The following HS3ST2 variants were observed in gnomAD, a reference collection of about 807,000 sequenced individuals.
The protein encoded by HS3ST2 is heparan sulfate glucosamine 3-O-sulfotransferase 2.
A neutral mutation model predicts 26.3 loss-of-function variants in HS3ST2; 17 were observed. The ratio of observed to expected loss-of-function variants is 0.65; its 90% confidence interval spans 0.44 to 0.97. HS3ST2 has a LOEUF of 0.97. Among genes scored for constraint, HS3ST2 ranks in the 50% least tolerant of loss-of-function variants. HS3ST2 has a pLI of 0.00. For missense variants in HS3ST2, 402 were observed against 501.2 expected (o/e 0.80, Z 1.89); for synonymous variants, 237 against 219.2 (o/e 1.08, Z -0.72).
chr16:22,814,801 A>T lies in HS3ST2; in HGVS notation c.191A>T (p.Gln64Leu), dbSNP rs1405099340. ...CTCCGCGGCCCCAGCGCGGGCGGCCAGAAACTTCTCCAGAAGTCCCGCCCC... is the reference window on the plus strand; with the variant it reads ...CTCCGCGGCCCCAGCGCGGGCGGCCTGAAACTTCTCCAGAAGTCCCGCCCC... ...RCLRGPSAGG[Q>L]KLLQKSRPCD... Residue 64 changes from glutamine to leucine, a missense_variant, in exon 1 of 2, where the codon CAG becomes CTG. Coordinates refer to ENST00000261374, the MANE Select transcript of HS3ST2 (RefSeq NM_006043.2). 7 of 1,589,180 alleles carry T rather than the reference A, an allele frequency of 4.4e-6. No individual in the cohort carries two copies. Among genetic ancestry groups the T allele is most frequent in the Non-Finnish European group, 6.0e-6 (7 of 1,169,346 alleles).
chr16:22,894,837 G>A (rs766292911), intron 1 of HS3ST2, among the ~76,000 whole-genome samples: 3 of 151,772 alleles, frequency 2.0e-5, no homozygotes, highest in Non-Finnish European at 4.4e-5. Context: ...AAAATGAATA[G>A]TTAAATCAGT....
chr16:22,843,559 G>A (rs934486222), intron 1 of HS3ST2, among the ~76,000 whole-genome samples: 1 of 152,136 alleles, frequency 6.6e-6, no homozygotes, highest in South Asian at 2.1e-4. Flanking sequence ...TCATGAAGAG[G>A]GATCTTTTAA....
In HS3ST2 at chr16:22,893,301, A is replaced by G. The variant is rs138009931; in HGVS notation, c.486-21643A>G. Among the ~76,000 whole-genome samples the G allele has an allele frequency of 6.4e-4, 98 of 152,336 alleles. 1 individual carries two copies. The highest frequency in any genetic ancestry group is 2.1e-3 in the African/African-American group (89 of 41,582). ...TTCTGTGGTATTTATATGAGATAAT[A>G]CATGTAAAAGCTCATATAGCTATGC... On this transcript the variant is annotated intron_variant, in intron 1 of 1. Coordinates refer to ENST00000261374, the MANE Select transcript of HS3ST2 (RefSeq NM_006043.2).
At chr16:22,892,528 G>A (rs1217799223) in intron 1 of HS3ST2, among the ~76,000 whole-genome samples, 2 of 151,978 alleles carry the variant, frequency 1.3e-5, no homozygotes. Flanking sequence ...TATAATCACA[G>A]CATAGCAGTT....
chr16:22,832,512 C>T (rs994091239), intron 1 of HS3ST2, among the ~76,000 whole-genome samples: 3 of 151,980 alleles, frequency 2.0e-5, no homozygotes, highest in African/African-American at 7.2e-5. Flanking sequence ...TCTTCCCCAT[C>T]CCACACCCAC....
chr16:22,904,734 G>A (rs548664465), intron 1 of HS3ST2, among the ~76,000 whole-genome samples: 1 of 152,222 alleles, frequency 6.6e-6, no homozygotes, highest in African/African-American at 2.4e-5. Flanking sequence ...GGGGCCATGG[G>A]CAGGATCAGG....
chr16:22,867,775 T>C (rs1204725004), intron 1 of HS3ST2, among the ~76,000 whole-genome samples: 1 of 152,232 alleles, frequency 6.6e-6, no homozygotes, highest in Non-Finnish European at 1.5e-5. Flanking sequence ...GCAAAAGCTT[T>C]AGACTCAATC....
intron 1 of HS3ST2, among the ~76,000 whole-genome samples, chr16:22,822,723 C>T (rs1182726595): frequency 2.0e-5 from 3 of 151,864 alleles, no homozygotes; most frequent in South Asian, 2.1e-4. Flanking sequence ...GGCGTGGTGG[C>T]GTGCGCCTGT....
At chr16:22,834,932 A>G (rs749377092) in intron 1 of HS3ST2, among the ~76,000 whole-genome samples, 2 of 149,360 alleles carry the variant, frequency 1.3e-5, no homozygotes, top group Non-Finnish European at 3.0e-5. Context: ...ATTTTTGGTT[A>G]ATTTTTTCCC....
At chr16:22,859,033 G>T (rs1901640806) in intron 1 of HS3ST2, among the ~76,000 whole-genome samples, 1 of 152,122 alleles carries the variant, frequency 6.6e-6, no homozygotes, top group African/African-American at 2.4e-5. Flanking sequence ...GGGCGTGGTG[G>T]TGTATGCCTG....
Position 22,820,665 on chromosome 16 carries a change from C to T in HS3ST2, c.485+5570C>T, listed in dbSNP as rs557568954. Among the ~76,000 whole-genome samples, 53 of 152,366 alleles carry T rather than the reference C, an allele frequency of 3.5e-4. 2 individuals are homozygous for T. The highest frequency in any genetic ancestry group is 3.2e-3 in the Admixed American group (49 of 15,308). The stretch of plus-strand genomic sequence containing the variant: ...ACCGCCATGATTCAATTATCTCCCA[C>T]CTGGTCCCTCTGACAACATGTGGGA... On this transcript the variant is annotated intron_variant, in intron 1 of 1. Transcript: ENST00000261374.
chr16:22,876,509 G>A (rs1303579447), intron 1 of HS3ST2, among the ~76,000 whole-genome samples: 1 of 152,164 alleles, frequency 6.6e-6, no homozygotes, highest in East Asian at 1.9e-4. Flanking sequence ...ATGTTGGCAT[G>A]GATATGGTGA....
chr16:22,860,088 C>A (rs1333841651), intron 1 of HS3ST2, among the ~76,000 whole-genome samples: 3 of 152,174 alleles, frequency 2.0e-5, no homozygotes, highest in Non-Finnish European at 2.9e-5. Context: ...TTTAAAATGA[C>A]AATTGCCCTC....
rs398038424 is a variant in HS3ST2 at position 22,843,156 on chromosome 16, ATGTG to A, written c.485+28078_485+28081del. 7.4e-3 allele frequency among the ~76,000 whole-genome samples: 1,111 copies of A among 150,124 alleles called. 18 individuals carry two copies. Among genetic ancestry groups the A allele is most frequent in the African/African-American group, 0.025 (1,042 of 40,960 alleles). On this transcript the variant is annotated intron_variant, in intron 1 of 1. Coordinates refer to ENST00000261374, the MANE Select transcript of HS3ST2 (RefSeq NM_006043.2). ...AAGAACTCTGTGACTAGATGTATGT[ATGTG>A]TGTGTGTGTGTGTGTGAACACATTG...
chr16:22,896,265 T>A (rs1227826520), intron 1 of HS3ST2, among the ~76,000 whole-genome samples: 4 of 152,242 alleles, frequency 2.6e-5, no homozygotes, highest in African/African-American at 7.2e-5. Flanking sequence ...GTTTTTCTTT[T>A]CAAGGGATTT....
At position 22,814,791 on chromosome 16, in the gene HS3ST2, G is replaced by A; in HGVS notation, c.181G>A (p.Ala61Thr). 1 of 1,593,942 alleles carries A rather than the reference G, an allele frequency of 6.3e-7. No individual in the cohort carries two copies. The highest frequency in any genetic ancestry group is 2.3e-5 in the East Asian group (1 of 44,024). The part of the protein sequence containing the change: ...GAPRCLRGPS[A>T]GGQKLLQKSR... ...GCCTCGCTGCCTCCGCGGCCCCAGC[G>A]CGGGCGGCCAGAAACTTCTCCAGAA... Residue 61 changes from alanine (A) to threonine (T), a missense_variant, in exon 1 of 2, where the codon GCG becomes ACG. Around this residue, in one of 2 missense-constraint regions of HS3ST2, gnomAD observed 165 missense variants for 154.6 expected, o/e 1.07. Coordinates refer to ENST00000261374, the MANE Select transcript of HS3ST2 (RefSeq NM_006043.2).
intron 1 of HS3ST2, among the ~76,000 whole-genome samples, chr16:22,884,252 A>G (rs1902030290): frequency 6.6e-6 from 1 of 152,084 alleles, no homozygotes; most frequent in Admixed American, 6.6e-5. Context: ...CCTTGTGACA[A>G]CCCTATGAAT....
chr16:22,897,073 T>C (rs1567499410), intron 1 of HS3ST2, among the ~76,000 whole-genome samples: 1 of 152,200 alleles, frequency 6.6e-6, no homozygotes, highest in African/African-American at 2.4e-5. Context: ...CCTCCCAAAG[T>C]TCTGGGATTA....
intron 1 of HS3ST2, among the ~76,000 whole-genome samples, chr16:22,890,819 G>A (rs898764164): frequency 3.3e-5 from 5 of 152,192 alleles, no homozygotes; most frequent in African/African-American, 1.2e-4. Context: ...TAATTGTAAA[G>A]AGCTGTCAAA....
Sources: gnomAD v4.1 joint callset for allele counts (sites outside exome capture counted in the v4.1 genomes callset) on GRCh38, gnomAD v4.1.1 for gene constraint, gnomAD v4.1.1 regional missense constraint, MANE v1.5 for transcripts, NCBI Gene and HGNC (gene_info 2026-07-23, HGNC 2026-07-21) for gene names.